Variants in POFUT3 observed in about 807,000 individuals in gnomAD.
The protein encoded by POFUT3 is protein O-fucosyltransferase 3.
the POFUT3 span, among the ~76,000 whole-genome samples, chr8:33,405,189 T>C: frequency 6.6e-5 from 10 of 151,642 alleles, no homozygotes; most frequent in South Asian, 2.1e-3. Context: ...CCCACAAAAT[T>C]CTCCTTGGCA....
At chr8:33,434,930 A>C in the POFUT3 span, among the ~76,000 whole-genome samples, 5 of 152,198 alleles carry the variant, frequency 3.3e-5, no homozygotes, top group Admixed American at 2.6e-4. Flanking sequence ...CTCACTGGCT[A>C]GTGGTGCAGA....
chr8:33,425,440 A>C, the POFUT3 span, among the ~76,000 whole-genome samples: 3 of 152,180 alleles, frequency 2.0e-5, no homozygotes, highest in Admixed American at 6.6e-5. Context: ...GTGGTGGTTA[A>C]GGCTGAAATT....
chr8:33,368,094 T>A, the POFUT3 span, among the ~76,000 whole-genome samples: 1 of 152,204 alleles, frequency 6.6e-6, no homozygotes, highest in Admixed American at 6.5e-5. Context: ...TTTCAGAGGC[T>A]TAGAGACAGT....
chr8:33,393,754 T>G, the POFUT3 span, among the ~76,000 whole-genome samples: 1 of 152,226 alleles, frequency 6.6e-6, no homozygotes, highest in Non-Finnish European at 1.5e-5. Flanking sequence ...CAATGTTGAT[T>G]CCATGGAATG....
At chr8:33,336,234 C>T in the POFUT3 span, among the ~76,000 whole-genome samples, 1 of 152,128 alleles carries the variant, frequency 6.6e-6, no homozygotes, top group Non-Finnish European at 1.5e-5. Context: ...GTTACAAATA[C>T]TCCCATCATG....
the POFUT3 span, chr8:33,451,711 C>A: frequency 6.6e-6 from 1 of 151,346 alleles, no homozygotes; most frequent in South Asian, 2.1e-4. Context: ...GAAGAAATAC[C>A]CAAGACTGGA....
chr8:33,311,667 A>G, the POFUT3 span, among the ~76,000 whole-genome samples: 3,278 of 152,278 alleles, frequency 0.022, 122 homozygotes, highest in African/African-American at 0.075. Context: ...GTAATTTCTG[A>G]ACATGGAATA....
the POFUT3 span, among the ~76,000 whole-genome samples, chr8:33,443,747 C>T: frequency 6.6e-6 from 1 of 152,138 alleles, no homozygotes; most frequent in Non-Finnish European, 1.5e-5. Flanking sequence ...CCCTCCTCAG[C>T]CTCCCAAAAT....
the POFUT3 span, among the ~76,000 whole-genome samples, chr8:33,313,108 T>C: frequency 6.6e-6 from 1 of 152,052 alleles, no homozygotes; most frequent in African/African-American, 2.4e-5. Flanking sequence ...TGAAGTGTAA[T>C]TTCTAATAGG....
the POFUT3 span, among the ~76,000 whole-genome samples, chr8:33,314,862 G>A: frequency 1.3e-5 from 2 of 152,118 alleles, no homozygotes; most frequent in East Asian, 3.9e-4. Flanking sequence ...CCTTTACAGA[G>A]CTGTTGTAAG....
At chr8:33,417,723 C>G in the POFUT3 span, among the ~76,000 whole-genome samples, 4 of 152,178 alleles carry the variant, frequency 2.6e-5, no homozygotes, top group Admixed American at 2.6e-4. Flanking sequence ...CCTCCTCCAC[C>G]AAGAGCCAAA....
chr8:33,372,571 T>C, the POFUT3 span: 5 of 1,612,148 alleles, frequency 3.1e-6, no homozygotes, highest in Non-Finnish European at 4.2e-6. Flanking sequence ...CTGATCATTT[T>C]TGAAATCAGT....
the POFUT3 span, chr8:33,453,100 G>A: frequency 1.0e-6 from 1 of 972,358 alleles, no homozygotes; most frequent in Non-Finnish European, 1.6e-6. Flanking sequence ...AAGGAAATCA[G>A]GGGTGTCAAA....
At chr8:33,349,351 T>A in the POFUT3 span, among the ~76,000 whole-genome samples, 4 of 152,158 alleles carry the variant, frequency 2.6e-5, no homozygotes. Flanking sequence ...AGTTCTTTAG[T>A]AGTAATTTCT....
the POFUT3 span, among the ~76,000 whole-genome samples, chr8:33,416,958 A>C: frequency 2.0e-5 from 3 of 152,190 alleles, no homozygotes; most frequent in African/African-American, 7.2e-5. Flanking sequence ...AGGGGTCCCC[A>C]ACCCCAAGGC....
chr8:33,466,819 A>T, the POFUT3 span, among the ~76,000 whole-genome samples: 145 of 152,254 alleles, frequency 9.5e-4, 1 homozygote, highest in African/African-American at 3.4e-3. Context: ...AAGACTGGTG[A>T]TTAGGCCGGG....
the POFUT3 span, among the ~76,000 whole-genome samples, chr8:33,338,402 C>T: frequency 6.6e-6 from 1 of 152,040 alleles, no homozygotes; most frequent in East Asian, 1.9e-4. Flanking sequence ...TTCTATGAGG[C>T]CAGACTTACC....
At chr8:33,463,740 T>G in the POFUT3 span, among the ~76,000 whole-genome samples, 1 of 152,116 alleles carries the variant, frequency 6.6e-6, no homozygotes. Context: ...TTTGTAGAGA[T>G]GAGGTCTCAC....
chr8:33,334,555 C>A, the POFUT3 span, among the ~76,000 whole-genome samples: 2 of 152,142 alleles, frequency 1.3e-5, no homozygotes, highest in Non-Finnish European at 2.9e-5. Flanking sequence ...TGGTCCGGGA[C>A]ACGGTCTGAG....
Sources: gnomAD v4.1 joint callset for allele counts (sites outside exome capture counted in the v4.1 genomes callset) on GRCh38, gnomAD v4.1.1 for gene constraint, MANE v1.5 for transcripts, NCBI Gene and HGNC (gene_info 2026-07-23, HGNC 2026-07-21) for gene names.